The following BMERB1 variants were observed in gnomAD, a reference collection of about 807,000 sequenced individuals.
The protein encoded by BMERB1 is bMERB domain containing 1, also known as bMERB domain-containing protein 1.
Under a neutral mutation model 23.6 loss-of-function variants are expected in BMERB1, and 12 were observed. That is an observed-to-expected ratio of 0.51 (90% CI 0.33 to 0.82). The LOEUF (loss-of-function observed/expected upper bound fraction) is 0.82, where lower values mean the gene tolerates loss of function less well. Ranked by LOEUF, BMERB1 falls within the 40% of genes least tolerant of loss-of-function variation. The probability of loss-of-function intolerance (pLI) is 0.03; values close to 1 mark genes in which losing one functional copy is unlikely to be tolerated. For synonymous variants in BMERB1, 122 were observed against 96.6 expected (o/e 1.26, Z -1.54); for missense variants, 247 against 255.4 (o/e 0.97, Z 0.22).
At chr16:15,492,740 G>A (rs948351652) in intron 1 of BMERB1, among the ~76,000 whole-genome samples, 1 of 151,898 alleles carries the variant, frequency 6.6e-6, no homozygotes, top group Non-Finnish European at 1.5e-5. Flanking sequence ...CCAACATGGC[G>A]AAACCTTGTC....
At chr16:15,566,236 G>A (rs971117350) in intron 2 of BMERB1, among the ~76,000 whole-genome samples, 1 of 152,198 alleles carries the variant, frequency 6.6e-6, no homozygotes, top group East Asian at 1.9e-4. Flanking sequence ...AAATTATAAT[G>A]TGTAATGCAA....
At chr16:15,574,435 C>A (rs950348261) in intron 3 of BMERB1, among the ~76,000 whole-genome samples, 3 of 152,044 alleles carry the variant, frequency 2.0e-5, no homozygotes, top group Admixed American at 6.6e-5. Flanking sequence ...CTGTTATCGT[C>A]TTTGTTTTAA....
chr16:15,496,037 GGGT>G (rs2051469513), intron 1 of BMERB1, among the ~76,000 whole-genome samples: 1 of 151,384 alleles, frequency 6.6e-6, no homozygotes, highest in South Asian at 2.1e-4. Flanking sequence ...ATGATGAAAG[GGGT>G]GGTAATGATG....
At chr16:15,577,921 C>A (rs1040098280) in intron 3 of BMERB1, among the ~76,000 whole-genome samples, 1 of 152,212 alleles carries the variant, frequency 6.6e-6, no homozygotes, top group Non-Finnish European at 1.5e-5. Context: ...GAGATCTCAT[C>A]GGGAAACCGC....
At chr16:15,499,279 T>C (rs1454391453) in intron 1 of BMERB1, among the ~76,000 whole-genome samples, 1 of 152,004 alleles carries the variant, frequency 6.6e-6, no homozygotes. Flanking sequence ...GCACCTGTAA[T>C]CCCAGCTACT....
chr16:15,465,351 A>AT (rs1375792189), intron 1 of BMERB1, among the ~76,000 whole-genome samples: 3 of 103,244 alleles, frequency 2.9e-5, no homozygotes, highest in African/African-American at 9.9e-5. Context: ...GCTAAGATAT[A>AT]TATTTTTTTT....
At chr16:15,490,756 G>A (rs1598468497) in intron 1 of BMERB1, among the ~76,000 whole-genome samples, 1 of 152,364 alleles carries the variant, frequency 6.6e-6, no homozygotes, top group South Asian at 2.1e-4. Context: ...TGTGATGCTG[G>A]AAAGTTGTGT....
intron 1 of BMERB1, among the ~76,000 whole-genome samples, chr16:15,489,875 CT>C (rs899242036): frequency 1.3e-5 from 2 of 151,412 alleles, no homozygotes; most frequent in Non-Finnish European, 2.9e-5. Flanking sequence ...GATCCAATAT[CT>C]TTTTTTTTGA....
At chr16:15,565,813 C>A (rs150378590) in intron 2 of BMERB1, among the ~76,000 whole-genome samples, 1 of 152,182 alleles carries the variant, frequency 6.6e-6, no homozygotes, top group African/African-American at 2.4e-5. Context: ...TGAGCTATGA[C>A]TGTGCCTTGG....
chr16:15,492,525 T>C (rs531634495), intron 1 of BMERB1, among the ~76,000 whole-genome samples: 5 of 152,314 alleles, frequency 3.3e-5, no homozygotes, highest in South Asian at 2.1e-4. Context: ...GGAGAAACTT[T>C]ACAATGGAGA....
At chr16:15,505,605 G>T (rs1215841511) in intron 1 of BMERB1, among the ~76,000 whole-genome samples, 1 of 152,166 alleles carries the variant, frequency 6.6e-6, no homozygotes. Flanking sequence ...AAAAGTCAAT[G>T]TCGGCCAAGC....
At chr16:15,486,749 C>G (rs2051372248) in intron 1 of BMERB1, among the ~76,000 whole-genome samples, 1 of 152,196 alleles carries the variant, frequency 6.6e-6, no homozygotes, top group South Asian at 2.1e-4. Context: ...CTGAGATGGT[C>G]TAACCCCTAG....
At chr16:15,467,439 A>G (rs2051190046) in intron 1 of BMERB1, among the ~76,000 whole-genome samples, 1 of 152,130 alleles carries the variant, frequency 6.6e-6, no homozygotes, top group Non-Finnish European at 1.5e-5. Context: ...TTTATATCTA[A>G]TGCTGTTGCA....
At chr16:15,520,224 G>T (rs973456642) in intron 2 of BMERB1, among the ~76,000 whole-genome samples, 2 of 152,128 alleles carry the variant, frequency 1.3e-5, no homozygotes, top group African/African-American at 2.4e-5. Context: ...TGTCTGTCTC[G>T]TGGGGGCAGA....
chr16:15,584,563 A>G (rs1356491984), intron 5 of BMERB1, among the ~76,000 whole-genome samples: 1 of 151,738 alleles, frequency 6.6e-6, no homozygotes, highest in Non-Finnish European at 1.5e-5. Flanking sequence ...ATCTCAAAAA[A>G]AAAAAAAAGA....
intron 2 of BMERB1, among the ~76,000 whole-genome samples, chr16:15,552,148 C>A (rs1254468814): frequency 3.3e-5 from 5 of 151,834 alleles, no homozygotes; most frequent in Admixed American, 6.6e-5. Flanking sequence ...GAAAAAAAAT[C>A]AAAAATAACA....
intron 2 of BMERB1, among the ~76,000 whole-genome samples, chr16:15,551,596 T>G (rs2030093742): frequency 6.6e-6 from 1 of 152,094 alleles, no homozygotes; most frequent in Admixed American, 6.6e-5. Context: ...AAGGCTTGAG[T>G]GCAGGAGTTC....
chr16:15,583,782 C>T (rs1392808209), intron 5 of BMERB1, among the ~76,000 whole-genome samples: 2 of 152,146 alleles, frequency 1.3e-5, no homozygotes, highest in South Asian at 2.1e-4. Context: ...TTGCCTGGGG[C>T]CTCATGCCTA....
intron 2 of BMERB1, 107 bp from the exon 3 acceptor site, chr16:15,567,876 T>G (rs2030618980): frequency 9.6e-7 from 1 of 1,040,180 alleles, no homozygotes; most frequent in African/African-American, 1.6e-5. Flanking sequence ...TATGGCCTCT[T>G]CAAAAGATAA....
Sources: allele counts gnomAD v4.1 joint callset (sites outside exome capture counted in the v4.1 genomes callset), GRCh38; gene constraint gnomAD v4.1.1; transcripts MANE v1.5; gene names NCBI Gene and HGNC (gene_info 2026-07-23, HGNC 2026-07-21).